The following CTNNA2 variants were observed in gnomAD, a reference collection of about 807,000 sequenced individuals.
The protein encoded by CTNNA2 is catenin alpha-2.
CTNNA2 carries 42 observed loss-of-function variants against 101.0 expected under a neutral mutation model. The observed-to-expected ratio is 0.42, with a 90% CI of 0.32 to 0.54. The LOEUF is 0.54. Ranked by LOEUF, CTNNA2 falls within the 20% of genes least tolerant of loss-of-function variation. The probability of loss-of-function intolerance (pLI) is 0.14; values close to 1 mark genes in which losing one functional copy is unlikely to be tolerated. For missense variants in CTNNA2, 871 were observed against 1,223.1 expected (o/e 0.71, Z 4.29); for synonymous variants, 450 against 456.4 (o/e 0.99, Z 0.18).
chr2:79,635,773 G>A (rs1195578370), intron 1 of CTNNA2, among the ~76,000 whole-genome samples: 1 of 151,186 alleles, frequency 6.6e-6, no homozygotes, highest in Non-Finnish European at 1.5e-5. Flanking sequence ...CTAAGTGCTG[G>A]GATTACAGGC....
chr2:80,277,485 A>T (rs1673995334), intron 7 of CTNNA2, among the ~76,000 whole-genome samples: 1 of 145,462 alleles, frequency 6.9e-6, no homozygotes, highest in Admixed American at 7.0e-5. Flanking sequence ...AGAGAGAATG[A>T]ACATTGTCAG....
chr2:79,894,751 A>T (rs963732017), intron 6 of CTNNA2, among the ~76,000 whole-genome samples: 3 of 152,160 alleles, frequency 2.0e-5, no homozygotes, highest in African/African-American at 7.2e-5. Context: ...ATTGTACTTT[A>T]TGCATATTGT....
intron 7 of CTNNA2, among the ~76,000 whole-genome samples, chr2:80,219,115 G>A (rs1156410263): frequency 6.6e-6 from 1 of 152,148 alleles, no homozygotes; most frequent in African/African-American, 2.4e-5. Flanking sequence ...AAAAAAGCCA[G>A]GATTGAACCT....
intron 7 of CTNNA2, among the ~76,000 whole-genome samples, chr2:80,214,509 A>C (rs1351202929): frequency 1.3e-5 from 2 of 152,144 alleles, no homozygotes; most frequent in Non-Finnish European, 2.9e-5. Context: ...TGGGTTGAAA[A>C]TTCTTTTCTT....
At chr2:79,253,806 G>C (rs1434480041) in intron 2 of CTNNA2, among the ~76,000 whole-genome samples, 4 of 152,230 alleles carry the variant, frequency 2.6e-5, no homozygotes, top group African/African-American at 9.6e-5. Flanking sequence ...GGGAATAAAA[G>C]AAGAGCATGT....
At chr2:80,561,522 C>T (rs532051728) in intron 12 of CTNNA2, among the ~76,000 whole-genome samples, 3 of 152,280 alleles carry the variant, frequency 2.0e-5, no homozygotes, top group South Asian at 2.1e-4. Flanking sequence ...GTTCCATTCC[C>T]GCTCTTGGAG....
chr2:79,618,985 C>G (rs1050904462), intron 1 of CTNNA2, among the ~76,000 whole-genome samples: 1 of 152,200 alleles, frequency 6.6e-6, no homozygotes, highest in Non-Finnish European at 1.5e-5. Flanking sequence ...GCAGGTGGAT[C>G]ATTTGAGGTC....
At chr2:79,408,283 G>T (rs1678362228) in intron 4 of CTNNA2, among the ~76,000 whole-genome samples, 1 of 130,896 alleles carries the variant, frequency 7.6e-6, no homozygotes, top group African/African-American at 3.0e-5. Flanking sequence ...AGAACATAAA[G>T]AATAAATTTA....
chr2:80,467,545 A>C (rs1684963127), intron 9 of CTNNA2, among the ~76,000 whole-genome samples: 1 of 152,216 alleles, frequency 6.6e-6, no homozygotes, highest in Non-Finnish European at 1.5e-5. Context: ...CGTGAGATCC[A>C]TTATTTCTAC....
At chr2:80,147,821 G>C (rs1703445434) in intron 7 of CTNNA2, among the ~76,000 whole-genome samples, 1 of 151,792 alleles carries the variant, frequency 6.6e-6, no homozygotes, top group Non-Finnish European at 1.5e-5. Flanking sequence ...GTCACATGCA[G>C]TACTGTGGTT....
intron 7 of CTNNA2, among the ~76,000 whole-genome samples, chr2:79,946,130 A>C (rs1230916377): frequency 6.6e-6 from 1 of 152,152 alleles, no homozygotes; most frequent in East Asian, 1.9e-4. Context: ...GCATCCATCA[A>C]GTCTAATGCT....
At chr2:79,536,891 G>A (rs566258453) in intron 1 of CTNNA2, among the ~76,000 whole-genome samples, 25 of 152,030 alleles carry the variant, frequency 1.6e-4, no homozygotes, top group Middle Eastern at 6.8e-3. Flanking sequence ...TAGTAGAGAC[G>A]GGGTTTCAGC....
At chr2:79,743,541 T>A (rs866406427) in intron 2 of CTNNA2, among the ~76,000 whole-genome samples, 5,790 of 151,268 alleles carry the variant, frequency 0.038, 320 homozygotes, top group African/African-American at 0.12. Context: ...TATTTATTTT[T>A]TTTTTTTTTG....
intron 2 of CTNNA2, among the ~76,000 whole-genome samples, chr2:79,684,022 AG>A (rs141767218): frequency 2.0e-5 from 3 of 152,060 alleles, no homozygotes; most frequent in Non-Finnish European, 4.4e-5. Context: ...ACTGAAGGAG[AG>A]GGGGCAGTCT....
At position 79,986,889 on chromosome 2, in the gene CTNNA2, T is replaced by G. The variant is rs1357797657; in HGVS notation, c.1056+77092T>G. Among the ~76,000 whole-genome samples the G allele has an allele frequency of 2.0e-5, 3 of 152,262 alleles. No individual in the cohort carries two copies. The East Asian group carries it at 5.8e-4, about 29-fold the overall frequency. On this transcript the variant is annotated intron_variant, in intron 7 of 18. Transcript: ENST00000402739. ...TTACATGTTGTCTTTAAGAAGTAAT[T>G]TAATCCAGAATGTAACAGACATCTT...
chr2:79,680,382 A>C, intron 2 of CTNNA2, among the ~76,000 whole-genome samples: 1 of 152,160 alleles, frequency 6.6e-6, no homozygotes, highest in South Asian at 2.1e-4. Flanking sequence ...GGGGCCTCTC[A>C]GGAGGGGAGG....
chr2:79,302,507 G>A (rs1472466413), intron 2 of CTNNA2, among the ~76,000 whole-genome samples: 1 of 152,146 alleles, frequency 6.6e-6, no homozygotes, highest in African/African-American at 2.4e-5. Flanking sequence ...CTTTTCTTTA[G>A]AGAGTTTCAG....
At chr2:80,466,308 G>T (rs1192518977) in intron 9 of CTNNA2, among the ~76,000 whole-genome samples, 1 of 152,178 alleles carries the variant, frequency 6.6e-6, no homozygotes, top group Non-Finnish European at 1.5e-5. Flanking sequence ...GCAAAAGCGT[G>T]CCTGTTTCTC....
At chr2:80,199,829 G>T (rs942881451) in intron 7 of CTNNA2, among the ~76,000 whole-genome samples, 1 of 152,086 alleles carries the variant, frequency 6.6e-6, no homozygotes, top group East Asian at 1.9e-4. Flanking sequence ...AAGAAGAAAG[G>T]GCTATTAGCT....
Sources: allele counts gnomAD v4.1 joint callset (sites outside exome capture counted in the v4.1 genomes callset), GRCh38; gene constraint gnomAD v4.1.1; transcripts MANE v1.5; gene names NCBI Gene and HGNC (gene_info 2026-07-23, HGNC 2026-07-21).